Variants in EBF1 observed in about 807,000 individuals in gnomAD.
The protein encoded by EBF1 is transcription factor COE1.
EBF1 carries 10 observed loss-of-function variants against 68.4 expected under a neutral mutation model. The ratio of observed to expected loss-of-function variants is 0.15; its 90% CI spans 0.09 to 0.25. EBF1 has a LOEUF of 0.25. Ranked by LOEUF, EBF1 falls within the 10% of genes least tolerant of loss-of-function variation. The probability of loss-of-function intolerance (pLI) is 1.00; values close to 1 mark genes in which losing one functional copy is unlikely to be tolerated. For missense variants in EBF1, 509 were observed against 794.4 expected (o/e 0.64, Z 4.32); for synonymous variants, 298 against 299.8 (o/e 0.99, Z 0.06).
At chr5:158,794,505 A>G (rs1426847757) in intron 9 of EBF1, among the ~76,000 whole-genome samples, 1 of 152,166 alleles carries the variant, frequency 6.6e-6, no homozygotes, top group Non-Finnish European at 1.5e-5. Context: ...ATGTGTCCTT[A>G]TTCCATATTC....
At chr5:159,035,908 T>C (rs1435973162) in intron 6 of EBF1, among the ~76,000 whole-genome samples, 1 of 152,174 alleles carries the variant, frequency 6.6e-6, no homozygotes, top group Non-Finnish European at 1.5e-5. Context: ...AACTTTACCA[T>C]TAAAAGATTC....
intron 10 of EBF1, among the ~76,000 whole-genome samples, chr5:158,750,925 A>C (rs1768720858): frequency 6.6e-6 from 1 of 152,164 alleles, no homozygotes; most frequent in African/African-American, 2.4e-5. Flanking sequence ...AATTTCTAGC[A>C]ATAGTGAATG....
intron 8 of EBF1, among the ~76,000 whole-genome samples, chr5:158,822,038 G>T (rs1784945208): frequency 6.6e-6 from 1 of 152,126 alleles, no homozygotes; most frequent in South Asian, 2.1e-4. Context: ...GGCAGAGAAG[G>T]GAGTTTTCTA....
chr5:158,981,332 A>G (rs1757858732), intron 6 of EBF1, among the ~76,000 whole-genome samples: 1 of 152,324 alleles, frequency 6.6e-6, no homozygotes, highest in Admixed American at 6.5e-5. Flanking sequence ...CTGGAAAGTG[A>G]TCTTTATTGT....
At chr5:159,076,343 A>G (rs1015312187) in intron 5 of EBF1, among the ~76,000 whole-genome samples, 1 of 152,160 alleles carries the variant, frequency 6.6e-6, no homozygotes, top group Non-Finnish European at 1.5e-5. Context: ...GGCATTGTTG[A>G]TGGAAGGAAG....
chr5:158,953,613 A>G (rs1384815266), intron 6 of EBF1, among the ~76,000 whole-genome samples: 1 of 152,214 alleles, frequency 6.6e-6, no homozygotes, highest in African/African-American at 2.4e-5. Flanking sequence ...TTTAGGGGGA[A>G]GAGGCAAATC....
At chr5:159,040,731 A>G (rs1243708112) in intron 6 of EBF1, among the ~76,000 whole-genome samples, 1 of 152,260 alleles carries the variant, frequency 6.6e-6, no homozygotes, top group African/African-American at 2.4e-5. Flanking sequence ...GTTTTATTTT[A>G]ACACCTTACA....
chr5:158,823,793 T>C (rs1177875482), intron 7 of EBF1, among the ~76,000 whole-genome samples: 1 of 152,216 alleles, frequency 6.6e-6, no homozygotes, highest in African/African-American at 2.4e-5. Flanking sequence ...CATTTTTCTC[T>C]CCTGGATGTC....
rs141544024 is a variant in EBF1 at position 158,909,049 on chromosome 5, G to A, written c.555-68939C>T. On this transcript the variant is annotated intron_variant, in intron 6 of 15. Transcript: ENST00000313708. ...TTGTGAAACACAAGCTGTGACCCCC[G>A]GGCTGGGAAGCCAGCAGGGAAAAAC... Among the ~76,000 whole-genome samples, 90 of 152,064 alleles carry A rather than the reference G, an allele frequency of 5.9e-4. 1 individual carries two copies. The highest frequency in any genetic ancestry group is 1.1e-3 in the African/African-American group (44 of 41,466).
Position 158,696,764 on chromosome 5 carries a change from T to A in EBF1, c.*2347A>T. On this transcript the variant is annotated 3_prime_UTR_variant, in exon 16 of 16. Coordinates refer to ENST00000313708, the MANE Select transcript of EBF1 (RefSeq NM_024007.5). ...AAAAATCGCACTCTTGACAGCCTAG[T>A]GAAAACCATTGCAAAATCCATATGG... 1 of 145,332 alleles carries A rather than the reference T, an allele frequency of 6.9e-6. No individual in the cohort carries two copies. The highest frequency in any genetic ancestry group is 1.4e-5 in the Non-Finnish European group (1 of 72,846). 9.0% of individuals were successfully genotyped at this position (145,332 alleles called of 1,614,324 possible).
intron 6 of EBF1, among the ~76,000 whole-genome samples, chr5:158,912,480 T>C (rs1038727091): frequency 1.3e-5 from 2 of 152,214 alleles, no homozygotes; most frequent in African/African-American, 4.8e-5. Flanking sequence ...CTAAATTTGC[T>C]GGATCATAAA....
At chr5:158,978,829 C>G (rs60311868) in intron 6 of EBF1, among the ~76,000 whole-genome samples, 79 of 125,324 alleles carry the variant, frequency 6.3e-4, no homozygotes, top group African/African-American at 1.6e-3. Flanking sequence ...CACACACACA[C>G]ACACACAGAG....
At chr5:159,045,146 G>A (rs542948139) in intron 6 of EBF1, among the ~76,000 whole-genome samples, 20 of 152,028 alleles carry the variant, frequency 1.3e-4, no homozygotes, top group Admixed American at 2.6e-4. Flanking sequence ...TTTAACTTCC[G>A]AAAAGCCAAC....
chr5:158,941,956 A>G (rs1338191394), intron 6 of EBF1, among the ~76,000 whole-genome samples: 1 of 152,252 alleles, frequency 6.6e-6, no homozygotes, highest in Non-Finnish European at 1.5e-5. Context: ...ATAGTTTCCC[A>G]GCTGATATGT....
chr5:158,963,587 C>T (rs906654047), intron 6 of EBF1, among the ~76,000 whole-genome samples: 1 of 152,160 alleles, frequency 6.6e-6, no homozygotes, highest in Non-Finnish European at 1.5e-5. Flanking sequence ...AATAGAACGA[C>T]CCCAGGGATC....
chr5:158,959,434 G>A (rs1205924560), intron 6 of EBF1, among the ~76,000 whole-genome samples: 1 of 151,878 alleles, frequency 6.6e-6, no homozygotes, highest in African/African-American at 2.4e-5. Flanking sequence ...TGGGATTACA[G>A]GAGTGTGCCA....
At chr5:158,993,892 G>A (rs1760867659) in intron 6 of EBF1, among the ~76,000 whole-genome samples, 1 of 152,162 alleles carries the variant, frequency 6.6e-6, no homozygotes, top group Non-Finnish European at 1.5e-5. Flanking sequence ...AACTGGGGAG[G>A]AAAGGGCAAG....
intron 1 of EBF1, 50 bp downstream of exon 1, chr5:159,099,295 G>A (rs759947344): frequency 5.7e-6 from 8 of 1,404,204 alleles, no homozygotes; most frequent in Non-Finnish European, 5.6e-6. Context: ...CCGCCTCCCG[G>A]CTCTCCCGCT....
intron 6 of EBF1, among the ~76,000 whole-genome samples, chr5:158,900,073 A>G (rs1028835789): frequency 1.3e-5 from 2 of 152,150 alleles, no homozygotes; most frequent in Non-Finnish European, 1.5e-5. Flanking sequence ...GGCTCCCTCC[A>G]GATGTGTCTC....
Sources: allele counts gnomAD v4.1 joint callset (sites outside exome capture counted in the v4.1 genomes callset), GRCh38; gene constraint gnomAD v4.1.1; transcripts MANE v1.5; gene names NCBI Gene and HGNC (gene_info 2026-07-23, HGNC 2026-07-21).